Variants in CFAP77 observed in about 807,000 individuals in gnomAD.
CFAP77 encodes cilia and flagella associated protein 77, also known as cilia- and flagella-associated protein 77.
A neutral mutation model predicts 31.1 loss-of-function variants in CFAP77; 25 were observed. The observed-to-expected ratio is 0.80, with a 90% confidence interval of 0.59 to 1.12. The LOEUF (loss-of-function observed/expected upper bound fraction) is 1.12, where lower values mean the gene tolerates loss of function less well. CFAP77 is among the 50% of genes most tolerant of loss of function. CFAP77 has a pLI of 0.00. For synonymous variants in CFAP77, 151 were observed against 159.9 expected, an observed-to-expected ratio of 0.94 and a Z score of 0.42; for missense variants, 377 against 397.3, an observed-to-expected ratio of 0.95 and a Z score of 0.44.
At chr9:132,569,301 G>A (rs1829925334) in intron 5 of CFAP77, among the ~76,000 whole-genome samples, 1 of 152,066 alleles carries the variant, frequency 6.6e-6, no homozygotes. Flanking sequence ...CTAGCTACCT[G>A]GAGGCAAGGC....
At chr9:132,467,883 C>A (rs2131732307) in intron 1 of CFAP77, among the ~76,000 whole-genome samples, 1 of 151,884 alleles carries the variant, frequency 6.6e-6, no homozygotes, top group East Asian at 1.9e-4. Flanking sequence ...TGGTTTTTTT[C>A]TTTTTTTTAG....
chr9:132,474,268 C>G (rs1455619395), intron 1 of CFAP77, among the ~76,000 whole-genome samples: 1 of 152,152 alleles, frequency 6.6e-6, no homozygotes, highest in Non-Finnish European at 1.5e-5. Context: ...TGTGGTTTTC[C>G]AAGCCTCTGT....
At chr9:132,529,822 C>T (rs1244351262) in intron 3 of CFAP77, among the ~76,000 whole-genome samples, 1 of 130,980 alleles carries the variant, frequency 7.6e-6, no homozygotes, top group African/African-American at 2.6e-5. Flanking sequence ...AAGACTCTGT[C>T]TCAAAAAAAA....
At chr9:132,522,433 TA>T (rs1189357356) in intron 3 of CFAP77, among the ~76,000 whole-genome samples, 3 of 152,134 alleles carry the variant, frequency 2.0e-5, no homozygotes, top group African/African-American at 7.2e-5. Context: ...TGAGGATAAA[TA>T]ATTAAGATCC....
chr9:132,438,537 A>ATTTTTTTTT (rs1181262639), intron 1 of CFAP77, among the ~76,000 whole-genome samples: 1 of 116,206 alleles, frequency 8.6e-6, no homozygotes, highest in Non-Finnish European at 1.7e-5. Flanking sequence ...ATATATATAT[A>ATTTTTTTTT]TATATTTTTT....
chr9:132,514,351 A>C (rs1028399466), intron 3 of CFAP77, among the ~76,000 whole-genome samples: 2 of 144,336 alleles, frequency 1.4e-5, no homozygotes, highest in African/African-American at 5.1e-5. Flanking sequence ...ACCTTGGAAA[A>C]GGGGTAACTG....
intron 1 of CFAP77, among the ~76,000 whole-genome samples, chr9:132,445,730 G>A (rs556300885): frequency 6.6e-5 from 10 of 152,020 alleles, no homozygotes; most frequent in South Asian, 2.1e-4. Context: ...TTGGCCAGGC[G>A]TCATGGTGGG....
chr9:132,414,315 A>G (rs1850059879), intron 1 of CFAP77, among the ~76,000 whole-genome samples: 1 of 152,224 alleles, frequency 6.6e-6, no homozygotes, highest in Non-Finnish European at 1.5e-5. Context: ...TCCTGGGGGC[A>G]TAGAAACAAG....
At chr9:132,550,490 C>T (rs1172977527) in intron 5 of CFAP77, among the ~76,000 whole-genome samples, 1 of 149,178 alleles carries the variant, frequency 6.7e-6, no homozygotes, top group Non-Finnish European at 1.5e-5. Context: ...ATTTGGGGAG[C>T]AGCATCTTCC....
rs774928883 is a variant in CFAP77 at position 132,552,068 on chromosome 9, T to G, written c.732+9021T>G. Among the ~76,000 whole-genome samples the G allele has an allele frequency of 9.2e-5, 14 of 152,348 alleles. No individual in the cohort carries two copies. The highest frequency in any genetic ancestry group is 2.9e-5 in the Non-Finnish European group (2 of 68,030). On this transcript the variant is annotated intron_variant, in intron 5 of 5. Transcript: ENST00000393216. The surrounding 1 kb of genome is among the most constrained non-coding windows in gnomAD (Gnocchi z 5.5). Reference sequence around the variant, plus strand: ...GGCTAAAAAGGAAAGAGGCGGCTGATCCCGGATTCAGGCTTACTGCGTTAA... The same window carrying G: ...GGCTAAAAAGGAAAGAGGCGGCTGAGCCCGGATTCAGGCTTACTGCGTTAA...
At chr9:132,544,254 G>A (rs1024971782) in intron 5 of CFAP77, among the ~76,000 whole-genome samples, 5 of 152,188 alleles carry the variant, frequency 3.3e-5, no homozygotes, top group Non-Finnish European at 7.3e-5. Flanking sequence ...CGCTGCCTCC[G>A]TGCACAGCAG....
At chr9:132,448,084 C>T (rs1240061723) in intron 1 of CFAP77, among the ~76,000 whole-genome samples, 2 of 152,110 alleles carry the variant, frequency 1.3e-5, no homozygotes, top group African/African-American at 4.8e-5. Flanking sequence ...GTCTCCTGGG[C>T]TGAGGACTAA....
Position 132,517,713 on chromosome 9 carries a change from G to A in CFAP77, c.524+18113G>A, listed in dbSNP as rs879738714. Among the ~76,000 whole-genome samples the A allele has an allele frequency of 1.3e-5, 2 of 152,246 alleles. No individual in the cohort carries two copies. The highest frequency in any genetic ancestry group is 1.3e-4 in the Admixed American group (2 of 15,282). On this transcript the variant is annotated intron_variant, in intron 3 of 5. Transcript: ENST00000393216. The surrounding 1 kb of genome is among the most constrained non-coding windows in gnomAD (Gnocchi z 4.7). ...CCCCTCTAATCCACAGAGCACTCCT[G>A]GCAGAGCGGAGCCGCACCGGCAAAT...
chr9:132,537,154 A>G (rs73659078), intron 3 of CFAP77, among the ~76,000 whole-genome samples: 6,836 of 152,232 alleles, frequency 0.045, 501 homozygotes, highest in African/African-American at 0.16. Context: ...TACTAAGAGG[A>G]GACATCAAGG....
At chr9:132,534,035 T>C (rs1477859447) in intron 3 of CFAP77, among the ~76,000 whole-genome samples, 2 of 152,172 alleles carry the variant, frequency 1.3e-5, no homozygotes, top group African/African-American at 4.8e-5. Flanking sequence ...CAGTATCTAT[T>C]TGTCACTGTC....
At chr9:132,415,768 C>T (rs1322935932) in intron 1 of CFAP77, among the ~76,000 whole-genome samples, 1 of 152,234 alleles carries the variant, frequency 6.6e-6, no homozygotes, top group East Asian at 1.9e-4. Context: ...TTACAACTGA[C>T]CCTGCGGACG....
Position 132,451,814 on chromosome 9 carries a change from T to C in CFAP77, c.195+41348T>C, listed in dbSNP as rs142121522. Among the ~76,000 whole-genome samples the C allele has an allele frequency of 1.0e-3, 157 of 151,200 alleles. 4 individuals carry two copies. The East Asian group carries it at 0.026, about 25-fold the overall frequency. On this transcript the variant is annotated intron_variant, in intron 1 of 5. Coordinates refer to ENST00000393216, the MANE Select transcript of CFAP77 (RefSeq NM_001282957.2). ...CTTTTTTCTTTTTCTTTTCTTTTTTTTTTTTTTCCAGAAGGAGTCTCACTC... is the reference window on the plus strand; with the variant it reads ...CTTTTTTCTTTTTCTTTTCTTTTTTCTTTTTTTCCAGAAGGAGTCTCACTC...
chr9:132,494,390 G>A (rs535135477), intron 1 of CFAP77, among the ~76,000 whole-genome samples: 20 of 152,290 alleles, frequency 1.3e-4, no homozygotes, highest in Admixed American at 3.3e-4. Flanking sequence ...GTCCAGACAT[G>A]GCCAGATGTC....
rs476743 is a variant in CFAP77 at position 132,499,962 on chromosome 9, T to G, written c.524+362T>G. ...GTCCAGGAATTCGAGGCCAGGCTGGTCAACGTGGCAAAACCCCGTCTCTAC... is the reference window on the plus strand; with the variant it reads ...GTCCAGGAATTCGAGGCCAGGCTGGGCAACGTGGCAAAACCCCGTCTCTAC... On this transcript the variant is annotated intron_variant, in intron 3 of 5. Coordinates refer to ENST00000393216, the MANE Select transcript of CFAP77 (RefSeq NM_001282957.2). The surrounding 1 kb of genome is among the most constrained non-coding windows in gnomAD (Gnocchi z 5.4). Among the ~76,000 whole-genome samples, 95,237 of 151,870 alleles carry G rather than the reference T, an allele frequency of 0.63. 31,046 individuals carry two copies. Among genetic ancestry groups the G allele is most frequent in the East Asian group, 0.82 (4,226 of 5,150 alleles).
Sources: allele counts gnomAD v4.1 joint callset (sites outside exome capture counted in the v4.1 genomes callset), GRCh38; gene constraint gnomAD v4.1.1; non-coding constraint Gnocchi (gnomAD v3.1); transcripts MANE v1.5; gene names NCBI Gene and HGNC (gene_info 2026-07-23, HGNC 2026-07-21).